The following PTPRK variants were observed in gnomAD, a reference collection of about 807,000 sequenced individuals.
The protein encoded by PTPRK is receptor-type tyrosine-protein phosphatase kappa.
Under a neutral mutation model 178.0 loss-of-function variants are expected in PTPRK, and 75 were observed. The observed-to-expected ratio is 0.42, with a 90% confidence interval of 0.35 to 0.51. The LOEUF is 0.51. Among genes scored for constraint, PTPRK ranks in the 20% least tolerant of loss-of-function variants. The pLI is 0.02. For missense variants in PTPRK, 1,441 were observed against 1,797.8 expected, an observed-to-expected ratio of 0.80 and a Z score of 3.59; for synonymous variants, 637 against 620.6, an observed-to-expected ratio of 1.03 and a Z score of -0.39.
intron 16 of PTPRK, among the ~76,000 whole-genome samples, chr6:127,998,437 G>A (rs988033963): frequency 3.3e-5 from 5 of 151,932 alleles, no homozygotes; most frequent in Admixed American, 6.6e-5. Flanking sequence ...GGGGAGATAC[G>A]CAAAGTGTTT....
At chr6:128,302,261 G>A (rs984030555) in intron 3 of PTPRK, among the ~76,000 whole-genome samples, 3 of 151,614 alleles carry the variant, frequency 2.0e-5, no homozygotes, top group Non-Finnish European at 4.4e-5. Flanking sequence ...GTGTGGTGGC[G>A]GGCGCCTGTA....
chr6:128,112,488 A>G (rs1445061162), intron 7 of PTPRK, among the ~76,000 whole-genome samples: 1 of 152,104 alleles, frequency 6.6e-6, no homozygotes. Context: ...GTAAATTACA[A>G]TGAATTCTTA....
chr6:128,260,288 G>C (rs990350369), intron 3 of PTPRK, among the ~76,000 whole-genome samples: 1 of 152,102 alleles, frequency 6.6e-6, no homozygotes, highest in East Asian at 1.9e-4. Flanking sequence ...GAAGAAGTTT[G>C]TTTTGATGAC....
Position 128,125,875 on chromosome 6 carries a change from T to G in PTPRK, c.1163-35883A>C, listed in dbSNP as rs1315188927. ...CACCCAGTTCGGCCTTCCAAAGTGC[T>G]GGGATTACAGGCCTGAGCCACTGTG... On this transcript the variant is annotated intron_variant, in intron 7 of 29. Transcript: ENST00000368226. Among the ~76,000 whole-genome samples the G allele has an allele frequency of 2.0e-5, 3 of 152,024 alleles. No individual in the cohort carries two copies. In the East Asian group the frequency reaches 5.8e-4, roughly 29 times the overall value.
chr6:128,243,368 C>G (rs959379413), intron 3 of PTPRK, among the ~76,000 whole-genome samples: 16 of 150,752 alleles, frequency 1.1e-4, no homozygotes, highest in African/African-American at 3.6e-4. Context: ...TTAATGTGTG[C>G]TGTGGCTGGG....
intron 8 of PTPRK, among the ~76,000 whole-genome samples, chr6:128,085,873 T>C (rs781242610): frequency 6.6e-6 from 1 of 152,168 alleles, no homozygotes; most frequent in Non-Finnish European, 1.5e-5. Flanking sequence ...TATACTTAGA[T>C]GAACTAAAAG....
intron 1 of PTPRK, among the ~76,000 whole-genome samples, chr6:128,471,930 C>T (rs1350263914): frequency 6.6e-6 from 1 of 150,738 alleles, no homozygotes; most frequent in South Asian, 2.1e-4. Context: ...AGCTTATGAG[C>T]GGGCAATAAA....
intron 14 of PTPRK, 76 bp downstream of exon 14, chr6:128,009,054 A>C (rs1023790714): frequency 2.2e-6 from 3 of 1,364,144 alleles, no homozygotes; most frequent in Admixed American, 2.1e-5. Context: ...AATTTAAAGG[A>C]TCTTGAGAAA....
chr6:128,485,103 T>C (rs1216510337), intron 1 of PTPRK, among the ~76,000 whole-genome samples: 1 of 152,202 alleles, frequency 6.6e-6, no homozygotes, highest in Non-Finnish European at 1.5e-5. Context: ...ATACAAGCTA[T>C]ATAATTACAA....
chr6:128,454,263 G>C (rs1051174112), intron 1 of PTPRK, among the ~76,000 whole-genome samples: 3 of 152,190 alleles, frequency 2.0e-5, no homozygotes, highest in East Asian at 1.9e-4. Flanking sequence ...TTCTTTTGTT[G>C]ATCAGCTACC....
intron 11 of PTPRK, among the ~76,000 whole-genome samples, chr6:128,073,421 A>T (rs1044894283): frequency 2.6e-5 from 4 of 152,022 alleles, no homozygotes; most frequent in Non-Finnish European, 4.4e-5. Flanking sequence ...GTGCTATTTT[A>T]TATGGGTTGG....
At chr6:128,201,013 C>T (rs561651663) in intron 6 of PTPRK, among the ~76,000 whole-genome samples, 1 of 147,602 alleles carries the variant, frequency 6.8e-6, no homozygotes, top group Non-Finnish European at 1.5e-5. Flanking sequence ...CCTTACTGAG[C>T]CTACCCTGGA....
Position 128,114,914 on chromosome 6 carries a change from G to GT in PTPRK, c.1163-24923dup, listed in dbSNP as rs141050238. Reference sequence around the variant, plus strand: ...ATTTATGTCAACTTGTGCTATATATGTAAGTATCACAGACTTTGTTTTTCT... The same window carrying GT: ...ATTTATGTCAACTTGTGCTATATATGTTAAGTATCACAGACTTTGTTTTTCT... On this transcript the variant is annotated intron_variant, in intron 7 of 29. Transcript: ENST00000368226. 1.8e-3 allele frequency among the ~76,000 whole-genome samples: 281 copies of GT among 151,980 alleles called. 5 individuals carry two copies. In the East Asian group the frequency reaches 0.053, roughly 28 times the overall value.
At chr6:128,067,288 G>C (rs919414252) in intron 12 of PTPRK, among the ~76,000 whole-genome samples, 8 of 152,168 alleles carry the variant, frequency 5.3e-5, no homozygotes, top group African/African-American at 7.2e-5. Context: ...CCTGAGGAAG[G>C]CTCGAGTAGA....
intron 2 of PTPRK, among the ~76,000 whole-genome samples, chr6:128,324,930 T>A (rs1480227314): frequency 6.6e-6 from 1 of 152,196 alleles, no homozygotes; most frequent in East Asian, 1.9e-4. Context: ...CTCCCAATCC[T>A]TACACTTGGG....
intron 1 of PTPRK, among the ~76,000 whole-genome samples, chr6:128,457,012 A>C (rs561915754): frequency 6.6e-6 from 1 of 152,242 alleles, no homozygotes; most frequent in African/African-American, 2.4e-5. Flanking sequence ...CAGTGAAGTT[A>C]AATGTAGGAT....
chr6:128,406,016 G>T (rs1194998612), intron 1 of PTPRK, among the ~76,000 whole-genome samples: 1 of 151,478 alleles, frequency 6.6e-6, no homozygotes, highest in Non-Finnish European at 1.5e-5. Flanking sequence ...CAAAAAAAAA[G>T]AACACTTTTT....
chr6:128,374,297 C>CAT (rs1836710634), intron 2 of PTPRK, among the ~76,000 whole-genome samples: 1 of 152,098 alleles, frequency 6.6e-6, no homozygotes, highest in Non-Finnish European at 1.5e-5. Context: ...CGTACCTATA[C>CAT]CATTGTGATT....
chr6:128,152,461 T>A (rs1020707370), intron 7 of PTPRK, among the ~76,000 whole-genome samples: 1 of 151,510 alleles, frequency 6.6e-6, no homozygotes, highest in African/African-American at 2.4e-5. Flanking sequence ...GTGAGTACAC[T>A]GGTGAAATAG....
Sources: allele counts gnomAD v4.1 joint callset (sites outside exome capture counted in the v4.1 genomes callset), GRCh38; gene constraint gnomAD v4.1.1; transcripts MANE v1.5; gene names NCBI Gene and HGNC (gene_info 2026-07-23, HGNC 2026-07-21).